Variants in SOS1 observed in about 807,000 individuals in gnomAD.
SOS1 encodes the protein SOS Ras/Rac guanine nucleotide exchange factor 1, also known as son of sevenless homolog 1.
A neutral mutation model predicts 157.6 loss-of-function variants in SOS1; 25 were observed. The observed-to-expected ratio is 0.16, with a 90% CI of 0.12 to 0.22. The LOEUF (loss-of-function observed/expected upper bound fraction) is 0.22. SOS1 is among the 10% of genes least tolerant of loss of function. The probability of loss-of-function intolerance (pLI) is 1.00; values close to 1 mark genes in which losing one functional copy is unlikely to be tolerated. For synonymous variants in SOS1, 528 were observed against 534.0 expected (o/e 0.99, Z 0.16); for missense variants, 1,237 against 1,599.1 (o/e 0.77, Z 3.86).
chr2:39,047,440 G>T (rs920452369), intron 6 of SOS1, among the ~76,000 whole-genome samples: 2 of 152,032 alleles, frequency 1.3e-5, no homozygotes, highest in South Asian at 4.1e-4. Flanking sequence ...TACACCAAAC[G>T]GTTTTCCAAA....
chr2:39,033,353 G>A (rs1558479604), intron 8 of SOS1, among the ~76,000 whole-genome samples: 2 of 151,942 alleles, frequency 1.3e-5, no homozygotes, highest in Admixed American at 6.6e-5. Flanking sequence ...TAAATCAGTA[G>A]AAATCTTAAA....
intron 1 of SOS1, among the ~76,000 whole-genome samples, chr2:39,078,514 AGG>A (rs1672092637): frequency 7.5e-4 from 1 of 1,342 alleles, no homozygotes; most frequent in Non-Finnish European, 1.9e-3. Context: ...ATTAGGAACC[AGG>A]CCACAGAGCA....
intron 1 of SOS1, among the ~76,000 whole-genome samples, chr2:39,091,125 T>C (rs1320330537): frequency 1.3e-5 from 2 of 152,172 alleles, no homozygotes; most frequent in African/African-American, 4.8e-5. Flanking sequence ...CGCCTTGGCC[T>C]GCCAAAGTGC....
rs56054777 is a variant in SOS1, at chr2:39,051,109, T to G, written c.864+35A>C. On this transcript the variant is annotated intron_variant, in intron 6 of 22. Coordinates refer to ENST00000402219, the MANE Select transcript of SOS1 (RefSeq NM_005633.4). ...ATTTTAATGTAAATGTAGGCTTTTA[T>G]GCAGACTTTTCGGGTATATAATTGA... The G allele has an allele frequency of 5.4e-4, 866 of 1,605,204 alleles. 11 individuals are homozygous for G. The East Asian group carries it at 0.017, about 31-fold the overall frequency.
rs1468393190 is a variant in SOS1, at chr2:39,120,895, C to A, written c.-473G>T. On this transcript the variant is annotated 5_prime_UTR_variant, in exon 1 of 23. Coordinates refer to ENST00000402219, the MANE Select transcript of SOS1 (RefSeq NM_005633.4). ...CGAAACGCAAGAGCCCCGGGCGGGG[C>A]GGAGCTGGGGCGGAGGTCTCGCGGG... 2 of 133,794 alleles carry A rather than the reference C, an allele frequency of 1.5e-5. No individual in the cohort carries two copies. The highest frequency in any genetic ancestry group is 2.4e-4 in the South Asian group (1 of 4,112). 8.3% of individuals were successfully genotyped at this position (133,794 alleles called of 1,614,324 possible). A position where few individuals can be genotyped will look rare whatever the true frequency, so the allele number is the denominator to read the frequency against.
At chr2:39,119,174 T>C (rs898988670) in intron 1 of SOS1, among the ~76,000 whole-genome samples, 2 of 152,208 alleles carry the variant, frequency 1.3e-5, no homozygotes, top group African/African-American at 2.4e-5. Flanking sequence ...GAGTAAAGTA[T>C]GTAAGATATA....
At chr2:39,018,913 A>G (rs1296972296) in intron 10 of SOS1, among the ~76,000 whole-genome samples, 2 of 151,808 alleles carry the variant, frequency 1.3e-5, no homozygotes, top group East Asian at 3.8e-4. Flanking sequence ...ACGCACAAAC[A>G]CTTTTTTAAA....
At chr2:39,001,971 A>T (rs920332460) in intron 17 of SOS1, among the ~76,000 whole-genome samples, 5 of 152,190 alleles carry the variant, frequency 3.3e-5, no homozygotes, top group Admixed American at 6.5e-5. Flanking sequence ...ACCTTAAAAC[A>T]CCTTATGAAA....
At position 38,983,616 on chromosome 2, in the gene SOS1, G is replaced by A. The variant is rs1480999872; in HGVS notation, c.*2208C>T. The A allele has an allele frequency of 6.6e-6, 1 of 152,130 alleles. No homozygotes were observed. The highest frequency in any genetic ancestry group is 6.6e-5 in the Admixed American group (1 of 15,260). 9.4% of individuals were successfully genotyped at this position (152,130 alleles called of 1,614,324 possible). ...ACACATTAGCCGAAGACATACTGAA[G>A]GGGGTCCAATGTGACTTTTACCAGG... On this transcript the variant is annotated 3_prime_UTR_variant, in exon 23 of 23. Coordinates refer to ENST00000402219, the MANE Select transcript of SOS1 (RefSeq NM_005633.4).
chr2:39,075,792 A>G lies in SOS1; in HGVS notation c.88-8039T>C, dbSNP rs372276671. Among the ~76,000 whole-genome samples, 67 of 152,304 alleles carry G rather than the reference A, an allele frequency of 4.4e-4. 1 individual carries two copies. In the Middle Eastern group the frequency reaches 0.017, roughly 39 times the overall value. ...AAGAAGGAGGGGCATAACTACAAAC[A>G]TAACAGTTTAAAAAGAGAAAATTAT... On this transcript the variant is annotated intron_variant, in intron 1 of 22. Transcript: ENST00000402219.
chr2:39,072,804 T>C (rs993425756), intron 1 of SOS1, among the ~76,000 whole-genome samples: 26 of 152,158 alleles, frequency 1.7e-4, no homozygotes, highest in Non-Finnish European at 2.9e-5. Flanking sequence ...TTAAAATCTG[T>C]CAAATGGGAA....
intron 3 of SOS1, 144 bp from the exon 4 acceptor site, chr2:39,057,010 G>T: frequency 1.5e-6 from 1 of 670,036 alleles, no homozygotes; most frequent in Non-Finnish European, 2.6e-6. Context: ...ATTGTAAGTG[G>T]TTCAACAATG....
chr2:39,097,548 C>T (rs889777750), intron 1 of SOS1, among the ~76,000 whole-genome samples: 3 of 149,964 alleles, frequency 2.0e-5, no homozygotes, highest in African/African-American at 7.6e-5. Flanking sequence ...AGCACAAGAC[C>T]TCTTTTTTTT....
At chr2:39,015,826 TAAG>T (rs1669613972) in intron 10 of SOS1, among the ~76,000 whole-genome samples, 2 of 148,720 alleles carry the variant, frequency 1.3e-5, no homozygotes, top group East Asian at 3.9e-4. Flanking sequence ...TTTTTTTTTT[TAAG>T]GAGGGGAAAG....
chr2:39,109,333 T>C (rs1161200012), intron 1 of SOS1, among the ~76,000 whole-genome samples: 1 of 152,258 alleles, frequency 6.6e-6, no homozygotes, highest in Admixed American at 6.5e-5. Context: ...AGTTCCTTTA[T>C]GGTCTGTGCT....
intron 1 of SOS1, among the ~76,000 whole-genome samples, chr2:39,104,437 G>A (rs1572895091): frequency 6.6e-6 from 1 of 152,174 alleles, no homozygotes; most frequent in Non-Finnish European, 1.5e-5. Flanking sequence ...ACTAAGATGG[G>A]ATAAGAAAAG....
chr2:38,995,280 A>G lies in SOS1; in HGVS notation c.3189T>C (p.Ile1063=), dbSNP rs576812416. 7 of 1,613,954 alleles carry G rather than the reference A, an allele frequency of 4.3e-6. No homozygotes were observed. Among genetic ancestry groups the G allele is most frequent in the Non-Finnish European group, 5.1e-6 (6 of 1,179,936 alleles). Residue 1063 remains isoleucine (I), a synonymous_variant, in exon 20 of 23, where the codon ATT becomes ATC. Transcript: ENST00000402219. Reference sequence around the variant, plus strand: ...CACTTTCAGGGATCCTACTATAACTAATTTTCCTTGGCTCCTGCTGCAGAG... The same window carrying G: ...CACTTTCAGGGATCCTACTATAACTGATTTTCCTTGGCTCCTGCTGCAGAG... ...PTPLQQEPRK[I]SYSRIPESET...
In SOS1 at chr2:39,035,393, C is replaced by T; in HGVS notation, c.972G>A (p.Leu324=). Residue 324 remains leucine (L), a synonymous_variant, in exon 7 of 23, where the codon TTG becomes TTA. Transcript: ENST00000402219. ...CTTCATTTAAAAATTACTATACCTG[C>T]AAATAAAGTGCTGCCCCAGGCTTTG... ...QLSKPGAALY[L]QSIGEGFKEA... 7 of 1,610,856 alleles carry T rather than the reference C, an allele frequency of 4.3e-6. No individual in the cohort carries two copies. Among genetic ancestry groups the T allele is most frequent in the Non-Finnish European group, 5.9e-6 (7 of 1,177,210 alleles).
intron 17 of SOS1, among the ~76,000 whole-genome samples, chr2:39,001,785 A>G (rs1014562166): frequency 1.3e-5 from 2 of 152,226 alleles, no homozygotes; most frequent in Non-Finnish European, 2.9e-5. Context: ...TAGGGCACCA[A>G]AACTGACCAG....
Sources: allele counts gnomAD v4.1 joint callset (sites outside exome capture counted in the v4.1 genomes callset), GRCh38; gene constraint gnomAD v4.1.1; transcripts MANE v1.5; gene names NCBI Gene and HGNC (gene_info 2026-07-23, HGNC 2026-07-21).